The following PTPRD variants were observed in gnomAD, a reference collection of about 807,000 sequenced individuals.
PTPRD encodes the protein protein tyrosine phosphatase receptor type D.
In PTPRD, 34 loss-of-function variants were observed where a neutral mutation model predicts 214.5. The ratio of observed to expected loss-of-function variants is 0.16; its 90% CI spans 0.12 to 0.21. The LOEUF (loss-of-function observed/expected upper bound fraction) is 0.21, where lower values mean the gene tolerates loss of function less well. Ranked by LOEUF, PTPRD falls within the 10% of genes least tolerant of loss-of-function variation. The pLI, the probability that PTPRD is intolerant of heterozygous loss-of-function variation, is 1.00. For synonymous variants in PTPRD, 1,128 were observed against 845.7 expected, an observed-to-expected ratio of 1.33 and a Z score of -5.79; for missense variants, 2,545 against 2,398.7, an observed-to-expected ratio of 1.06 and a Z score of -1.27.
At chr9:9,225,872 A>T (rs1413053427) in intron 9 of PTPRD, among the ~76,000 whole-genome samples, 1 of 151,976 alleles carries the variant, frequency 6.6e-6, no homozygotes, top group Non-Finnish European at 1.5e-5. Flanking sequence ...TATCATATTG[A>T]TGCATCTCAT....
At chr9:8,501,195 C>A in intron 23 of PTPRD, 136 bp from the exon 24 acceptor site, 1 of 674,376 alleles carries the variant, frequency 1.5e-6, no homozygotes, top group Non-Finnish European at 2.5e-6. Context: ...GGCTTTGAAA[C>A]TTAAATTCTA....
At chr9:10,302,123 T>A (rs974493146) in intron 3 of PTPRD, among the ~76,000 whole-genome samples, 7 of 151,736 alleles carry the variant, frequency 4.6e-5, no homozygotes, top group Non-Finnish European at 8.9e-5. Flanking sequence ...TATTCAACAT[T>A]CTTAAAGAAT....
intron 20 of PTPRD, among the ~76,000 whole-genome samples, chr9:8,518,756 T>A (rs956671591): frequency 1.3e-5 from 2 of 152,204 alleles, no homozygotes; most frequent in African/African-American, 4.8e-5. Context: ...AAAAATATTA[T>A]TATTTAAGTC....
At chr9:8,542,727 C>T (rs922159273) in intron 14 of PTPRD, among the ~76,000 whole-genome samples, 1 of 152,156 alleles carries the variant, frequency 6.6e-6, no homozygotes, top group Admixed American at 6.5e-5. Context: ...AAAAGGGGCT[C>T]GTAGAGCAAG....
At chr9:9,953,857 T>C (rs972509048) in intron 4 of PTPRD, among the ~76,000 whole-genome samples, 9 of 152,134 alleles carry the variant, frequency 5.9e-5, no homozygotes, top group African/African-American at 1.4e-4. Flanking sequence ...CCAGAAGAAA[T>C]TGTTTGGCAT....
intron 9 of PTPRD, among the ~76,000 whole-genome samples, chr9:9,238,412 C>T (rs1388510633): frequency 6.6e-6 from 1 of 152,104 alleles, no homozygotes; most frequent in African/African-American, 2.4e-5. Context: ...GATACAGACT[C>T]CACTTTTTGG....
chr9:9,138,781 G>A (rs932029242), intron 10 of PTPRD, among the ~76,000 whole-genome samples: 1 of 151,794 alleles, frequency 6.6e-6, no homozygotes, highest in African/African-American at 2.4e-5. Context: ...ATAATGTTTG[G>A]CATTAATAAG....
chr9:8,836,279 A>C (rs1469836230), intron 11 of PTPRD, among the ~76,000 whole-genome samples: 1 of 152,136 alleles, frequency 6.6e-6, no homozygotes, highest in Non-Finnish European at 1.5e-5. Context: ...AGTCTAAGAG[A>C]ACATTGACAA....
chr9:9,608,986 A>G (rs552565311), intron 7 of PTPRD, among the ~76,000 whole-genome samples: 1 of 152,296 alleles, frequency 6.6e-6, no homozygotes, highest in South Asian at 2.1e-4. Flanking sequence ...GCAAACTGCT[A>G]GAGTATTGTG....
intron 3 of PTPRD, among the ~76,000 whole-genome samples, chr9:10,166,952 T>A (rs1321291188): frequency 6.6e-6 from 1 of 152,126 alleles, no homozygotes; most frequent in Non-Finnish European, 1.5e-5. Flanking sequence ...AGACTATTAT[T>A]CTACCAACTT....
chr9:10,037,369 G>T (rs750706364), intron 3 of PTPRD, among the ~76,000 whole-genome samples: 18 of 151,908 alleles, frequency 1.2e-4, no homozygotes, highest in Non-Finnish European at 2.5e-4. Flanking sequence ...GTAACAATGA[G>T]ATCTGGTTGT....
intron 11 of PTPRD, among the ~76,000 whole-genome samples, chr9:8,772,956 G>C (rs1446317540): frequency 6.6e-6 from 1 of 152,146 alleles, no homozygotes; most frequent in Non-Finnish European, 1.5e-5. Context: ...TTAGGACTCA[G>C]CTTAGGGTTT....
chr9:9,561,678 A>C (rs1454147681), intron 8 of PTPRD, among the ~76,000 whole-genome samples: 1 of 152,218 alleles, frequency 6.6e-6, no homozygotes, highest in Non-Finnish European at 1.5e-5. Flanking sequence ...TACTTTCCAA[A>C]CAAAAGAAGG....
At chr9:9,673,287 G>C (rs1251934089) in intron 7 of PTPRD, among the ~76,000 whole-genome samples, 1 of 151,846 alleles carries the variant, frequency 6.6e-6, no homozygotes, top group African/African-American at 2.4e-5. Context: ...GGAAGAAAAA[G>C]ACCATGTCTG....
chr9:8,737,133 T>C (rs549648513), intron 11 of PTPRD, among the ~76,000 whole-genome samples: 1 of 152,346 alleles, frequency 6.6e-6, no homozygotes, highest in East Asian at 1.9e-4. Flanking sequence ...TCAGCTGAAG[T>C]GCATAAGAAG....
At chr9:9,325,160 G>C (rs1969254785) in intron 9 of PTPRD, among the ~76,000 whole-genome samples, 1 of 152,136 alleles carries the variant, frequency 6.6e-6, no homozygotes, top group Non-Finnish European at 1.5e-5. Flanking sequence ...GCTTAGGATT[G>C]TCTTGGCAAT....
intron 10 of PTPRD, among the ~76,000 whole-genome samples, chr9:9,076,888 C>T (rs2099752045): frequency 6.6e-6 from 1 of 151,618 alleles, no homozygotes; most frequent in African/African-American, 2.4e-5. Flanking sequence ...AACTGTTCTC[C>T]ATAGTGATTG....
chr9:8,892,297 A>G (rs1017905157), intron 11 of PTPRD, among the ~76,000 whole-genome samples: 5 of 152,100 alleles, frequency 3.3e-5, no homozygotes, highest in Non-Finnish European at 7.3e-5. Context: ...GGATATGGGG[A>G]GTCAGTGCAG....
chr9:9,519,007 G>T (rs2096901774), intron 8 of PTPRD, among the ~76,000 whole-genome samples: 1 of 151,784 alleles, frequency 6.6e-6, no homozygotes, highest in Non-Finnish European at 1.5e-5. Flanking sequence ...TTAAAGAATT[G>T]AAATAAAATA....
Sources: allele counts gnomAD v4.1 joint callset (sites outside exome capture counted in the v4.1 genomes callset), GRCh38; gene constraint gnomAD v4.1.1; transcripts MANE v1.5; gene names NCBI Gene and HGNC (gene_info 2026-07-23, HGNC 2026-07-21).